FKTN: variants seen among roughly 807,000 people sequenced by gnomAD.
FKTN encodes the protein fukutin.
A neutral mutation model predicts 58.6 loss-of-function variants in FKTN; 47 were observed. That is an observed-to-expected ratio of 0.80 (90% confidence interval 0.63 to 1.02). The LOEUF (loss-of-function observed/expected upper bound fraction) is 1.02, where lower values mean the gene tolerates loss of function less well. Among genes scored for constraint, FKTN ranks in the 50% least tolerant of loss-of-function variants. FKTN has a pLI of 0.00. For synonymous variants in FKTN, 178 were observed against 191.9 expected (o/e 0.93, Z 0.60); for missense variants, 516 against 537.3 (o/e 0.96, Z 0.39).
intron 1 of FKTN, among the ~76,000 whole-genome samples, chr9:105,567,062 A>G (rs926524273): frequency 5.9e-5 from 9 of 152,230 alleles, no homozygotes; most frequent in African/African-American, 1.9e-4. Context: ...GATTATCTCA[A>G]TAGATGCAGA....
intron 5 of FKTN, among the ~76,000 whole-genome samples, chr9:105,603,009 G>A (rs942099281): frequency 1.3e-5 from 2 of 152,180 alleles, no homozygotes. Context: ...CCTCTGCCAA[G>A]GCTACTGGGA....
At chr9:105,625,225 G>A (rs746232740) in intron 10 of FKTN, among the ~76,000 whole-genome samples, 3 of 152,282 alleles carry the variant, frequency 2.0e-5, no homozygotes, top group Admixed American at 6.5e-5. Context: ...GGAAAAAAAC[G>A]TGTAAAGAGT....
Position 105,628,252 on chromosome 9 carries a change from G to T in FKTN, c.1173-6799G>T, listed in dbSNP as rs192614293. On this transcript the variant is annotated intron_variant, in intron 10 of 10. Coordinates refer to ENST00000357998, the MANE Select transcript of FKTN (RefSeq NM_001079802.2). ...CTCGTATTTTCTGCTCTGTTTATGC[G>T]TTTATATTTTACAACATACAGATTA... 3.5e-3 allele frequency among the ~76,000 whole-genome samples: 535 copies of T among 152,040 alleles called. 6 individuals carry two copies. The highest frequency in any genetic ancestry group is 0.02 in the Admixed American group (302 of 15,264).
chr9:105,631,320 A>G (rs1261804866), intron 10 of FKTN, among the ~76,000 whole-genome samples: 2 of 152,222 alleles, frequency 1.3e-5, no homozygotes, highest in African/African-American at 4.8e-5. Flanking sequence ...GCACTGGAAT[A>G]ACATGAGAAG....
intron 7 of FKTN, among the ~76,000 whole-genome samples, chr9:105,614,791 T>C (rs1830511258): frequency 6.6e-6 from 1 of 152,186 alleles, no homozygotes; most frequent in Non-Finnish European, 1.5e-5. Context: ...AAGTGTTCAT[T>C]TTAATGTGGG....
intron 9 of FKTN, among the ~76,000 whole-genome samples, chr9:105,619,058 TAAAA>T (rs80255150): frequency 2.9e-5 from 4 of 136,684 alleles, no homozygotes; most frequent in South Asian, 4.7e-4. Flanking sequence ...GACTCCGTCT[TAAAA>T]AAAAAAAAAA....
Position 105,574,896 on chromosome 9 carries a change from A to C in FKTN, c.-88-49A>C. On this transcript the variant is annotated intron_variant, in intron 2 of 10. Coordinates refer to ENST00000357998, the MANE Select transcript of FKTN (RefSeq NM_001079802.2). Reference sequence around the variant, plus strand: ...TTCTATTGTTGGTTATTACAGGTACAAAATTAAAGAGGTTTTTGTTTCTTT... The same window carrying C: ...TTCTATTGTTGGTTATTACAGGTACCAAATTAAAGAGGTTTTTGTTTCTTT... 4.5e-6 allele frequency: 3 copies of C among 670,672 alleles called. No homozygotes were observed. In the South Asian group the frequency reaches 5.0e-5, roughly 11 times the overall value. The allele number at this position is 670,672 out of a possible 1,614,324, so 41.5% of individuals were successfully genotyped here.
chr9:105,562,549 T>C (rs1425489023), intron 1 of FKTN, among the ~76,000 whole-genome samples: 2 of 152,208 alleles, frequency 1.3e-5, no homozygotes, highest in African/African-American at 4.8e-5. Context: ...AAAAGACTGG[T>C]TATCATTTAA....
At chr9:105,568,067 G>T (rs1015664171) in intron 1 of FKTN, among the ~76,000 whole-genome samples, 1 of 152,146 alleles carries the variant, frequency 6.6e-6, no homozygotes, top group Admixed American at 6.5e-5. Flanking sequence ...AACAAATGGT[G>T]CTGGGAAAAC....
At chr9:105,572,956 T>A (rs569219399) in intron 1 of FKTN, among the ~76,000 whole-genome samples, 1 of 152,306 alleles carries the variant, frequency 6.6e-6, no homozygotes, top group South Asian at 2.1e-4. Flanking sequence ...AGATGAGGAC[T>A]GGGTGCCGTG....
rs912930168 is a variant in FKTN, at chr9:105,635,177, G to A, written c.1299G>A (p.Thr433=). 11 of 1,614,100 alleles carry A rather than the reference G, an allele frequency of 6.8e-6. No homozygotes were observed. The highest frequency in any genetic ancestry group is 4.0e-5 in the African/African-American group (3 of 74,932). ...YGKTWKIPVK[T]WDWKRSPPNV... ...AGACCTGGAAGATTCCTGTAAAGACGTGGGACTGGAAGCGCTCTCCTCCCA... is the reference window on the plus strand; with the variant it reads ...AGACCTGGAAGATTCCTGTAAAGACATGGGACTGGAAGCGCTCTCCTCCCA... Residue 433 remains threonine, a synonymous_variant, in exon 11 of 11, where the codon ACG becomes ACA. Coordinates refer to ENST00000357998, the MANE Select transcript of FKTN (RefSeq NM_001079802.2).
intron 10 of FKTN, among the ~76,000 whole-genome samples, chr9:105,631,614 AACAG>A (rs1199900960): frequency 3.3e-5 from 5 of 152,178 alleles, no homozygotes; most frequent in Non-Finnish European, 7.3e-5. Flanking sequence ...GAAGGACATG[AACAG>A]ACACTTCTCA....
Position 105,637,659 on chromosome 9 carries a change from C to T in FKTN, c.*2395C>T, listed in dbSNP as rs942779896. 2 of 985,170 alleles carry T rather than the reference C, an allele frequency of 2.0e-6. No homozygotes were observed. Among genetic ancestry groups the T allele is most frequent in the Non-Finnish European group, 2.4e-6 (2 of 829,842 alleles). 61.0% of individuals were successfully genotyped at this position (985,170 alleles called of 1,614,324 possible). On this transcript the variant is annotated 3_prime_UTR_variant, in exon 11 of 11. Coordinates refer to ENST00000357998, the MANE Select transcript of FKTN (RefSeq NM_001079802.2). The stretch of plus-strand genomic sequence containing the variant: ...TCTAGCAGTCATTCTCCTAATCTGA[C>T]CACTTTCAGGTTTAGTTTACCTGGC...
At chr9:105,621,377 C>G (rs1318976063) in intron 10 of FKTN, among the ~76,000 whole-genome samples, 1 of 152,094 alleles carries the variant, frequency 6.6e-6, no homozygotes, top group East Asian at 1.9e-4. Context: ...ATTTTTAACA[C>G]TACTATTCCT....
In FKTN at chr9:105,565,705, C is replaced by CT. The variant is rs1839442348; in HGVS notation, c.-181+7543dup. ...ACTCCCATACAATAATAATGGGAGACTTTAACACCCTACTGTCAACATTAG... is the reference window on the plus strand; with the variant it reads ...ACTCCCATACAATAATAATGGGAGACTTTTAACACCCTACTGTCAACATTAG... On this transcript the variant is annotated intron_variant, in intron 1 of 10. Coordinates refer to ENST00000357998, the MANE Select transcript of FKTN (RefSeq NM_001079802.2). 2.0e-5 allele frequency among the ~76,000 whole-genome samples: 3 copies of CT among 152,290 alleles called. No homozygotes were observed. The South Asian group carries it at 6.2e-4, about 32-fold the overall frequency.
chr9:105,602,335 T>A (rs1392817851), intron 5 of FKTN, among the ~76,000 whole-genome samples: 1 of 152,216 alleles, frequency 6.6e-6, no homozygotes, highest in Non-Finnish European at 1.5e-5. Flanking sequence ...GTCATTATGA[T>A]AAACCAAAAA....
chr9:105,604,636 A>G, intron 6 of FKTN, 144 bp downstream of exon 6: 2 of 699,346 alleles, frequency 2.9e-6, no homozygotes, highest in Non-Finnish European at 4.8e-6. Context: ...ACTCCAAATT[A>G]GAAGCCACCC....
chr9:105,618,176 A>C (rs551345389), intron 9 of FKTN, 84 bp downstream of exon 9: 1 of 1,064,154 alleles, frequency 9.4e-7, no homozygotes, highest in East Asian at 2.4e-5. Flanking sequence ...TATGGTTAAG[A>C]ATGCTACATA....
At chr9:105,625,380 C>T (rs1349875808) in intron 10 of FKTN, among the ~76,000 whole-genome samples, 1 of 152,162 alleles carries the variant, frequency 6.6e-6, no homozygotes, top group East Asian at 1.9e-4. Flanking sequence ...TGATATTTGG[C>T]AATGCTGGTA....
Sources: allele counts gnomAD v4.1 joint callset (sites outside exome capture counted in the v4.1 genomes callset), GRCh38; gene constraint gnomAD v4.1.1; transcripts MANE v1.5; gene names NCBI Gene and HGNC (gene_info 2026-07-23, HGNC 2026-07-21).